PRIM2: variants seen among roughly 807,000 people sequenced by gnomAD.
PRIM2 encodes DNA primase subunit 2.
In PRIM2, 39 loss-of-function variants were observed where a neutral mutation model predicts 67.3. The observed-to-expected ratio is 0.58, with a 90% CI of 0.45 to 0.76. The LOEUF is 0.76. Ranked by LOEUF, PRIM2 falls within the 30% of genes least tolerant of loss-of-function variation. The probability of loss-of-function intolerance (pLI) is 0.00; values close to 1 mark genes in which losing one functional copy is unlikely to be tolerated. For synonymous variants in PRIM2, 143 were observed against 198.7 expected (o/e 0.72, Z 2.36); for missense variants, 398 against 598.7 (o/e 0.66, Z 3.50).
chr6:57,463,809 T>TA (rs1159627692), intron 7 of PRIM2, among the ~76,000 whole-genome samples: 1 of 152,152 alleles, frequency 6.6e-6, no homozygotes, highest in African/African-American at 2.4e-5. Context: ...CGGGGTGGGT[T>TA]AGCTGGCTGG....
the PRIM2 span, among the ~76,000 whole-genome samples, chr6:57,250,184 T>A: frequency 6.6e-6 from 1 of 152,334 alleles, no homozygotes; most frequent in South Asian, 2.1e-4. Flanking sequence ...TCTTTAATTA[T>A]TTGGTTTTAC....
At chr6:57,469,481 G>A (rs1329547002) in intron 7 of PRIM2, among the ~76,000 whole-genome samples, 20 of 152,306 alleles carry the variant, frequency 1.3e-4, no homozygotes, top group African/African-American at 4.8e-4. Context: ...AAAACTTGAA[G>A]AAGCAGGTAG....
chr6:57,457,664 G>A (rs78749036), intron 7 of PRIM2, among the ~76,000 whole-genome samples: 2 of 152,084 alleles, frequency 1.3e-5, no homozygotes, highest in African/African-American at 2.4e-5. Context: ...GGAGTGAACC[G>A]ATTTTCCAGG....
intron 7 of PRIM2, among the ~76,000 whole-genome samples, chr6:57,420,170 A>T (rs960204365): frequency 1.3e-5 from 2 of 152,188 alleles, no homozygotes; most frequent in Non-Finnish European, 2.9e-5. Flanking sequence ...CTGTTTTAGA[A>T]CTAATTAGTT....
intron 7 of PRIM2, chr6:57,505,187 CT>C (rs1774226155): frequency 6.6e-6 from 1 of 152,196 alleles, no homozygotes; most frequent in Non-Finnish European, 1.5e-5. Context: ...GATGCATGCT[CT>C]TTTTGTAAGC....
rs561518988 is a variant in PRIM2, at chr6:57,429,566, G to T, written c.693+47398G>T. Among the ~76,000 whole-genome samples the T allele has an allele frequency of 8.0e-4, 122 of 152,318 alleles. 1 individual carries two copies. The highest frequency in any genetic ancestry group is 1.3e-3 in the Admixed American group (20 of 15,302). ...AATTGTGGCCCCCCAACATTTATAT[G>T]TTGAAGCCCTAACTTCCTGTACTTC... On this transcript the variant is annotated intron_variant, in intron 7 of 13. Transcript: ENST00000615550.
At chr6:57,626,264 T>C (rs1776947966) in intron 12 of PRIM2, among the ~76,000 whole-genome samples, 2 of 152,214 alleles carry the variant, frequency 1.3e-5, no homozygotes, top group Non-Finnish European at 2.9e-5. Context: ...GCTGGAAATA[T>C]TAAGAGTATT....
At chr6:57,588,594 A>G (rs1453292488) in intron 10 of PRIM2, among the ~76,000 whole-genome samples, 1 of 151,626 alleles carries the variant, frequency 6.6e-6, no homozygotes, top group Admixed American at 6.6e-5. Flanking sequence ...TCATGATATC[A>G]GCACATTGTT....
At chr6:57,363,334 GTT>G (rs1044208472) in intron 5 of PRIM2, among the ~76,000 whole-genome samples, 7 of 152,120 alleles carry the variant, frequency 4.6e-5, no homozygotes, top group African/African-American at 1.7e-4. Context: ...AATATCATAT[GTT>G]TATAAGTATA....
chr6:57,265,240 G>C, the PRIM2 span, among the ~76,000 whole-genome samples: 1 of 152,156 alleles, frequency 6.6e-6, no homozygotes, highest in East Asian at 1.9e-4. Flanking sequence ...CAAATGATCA[G>C]GCCATTATGC....
chr6:57,306,118 T>C, the PRIM2 span, among the ~76,000 whole-genome samples: 1 of 152,222 alleles, frequency 6.6e-6, no homozygotes, highest in African/African-American at 2.4e-5. Context: ...TGCTGAATAC[T>C]ATGTTCAGGG....
At chr6:57,283,328 C>T in the PRIM2 span, among the ~76,000 whole-genome samples, 1 of 152,174 alleles carries the variant, frequency 6.6e-6, no homozygotes, top group Non-Finnish European at 1.5e-5. Flanking sequence ...TTGTTGACCT[C>T]TTATATCCCC....
intron 13 of PRIM2, among the ~76,000 whole-genome samples, chr6:57,644,049 A>G (rs1225252465): frequency 2.0e-5 from 3 of 152,148 alleles, no homozygotes; most frequent in South Asian, 2.1e-4. Flanking sequence ...AAGATTATAC[A>G]TAGCTTTAAT....
chr6:57,508,594 T>G lies in PRIM2; in HGVS notation c.761+1140T>G, dbSNP rs1554347419. 4.6e-5 allele frequency among the ~76,000 whole-genome samples: 7 copies of G among 152,322 alleles called. No individual in the cohort carries two copies. The East Asian group carries it at 1.4e-3, about 29-fold the overall frequency. On this transcript the variant is annotated intron_variant, in intron 8 of 13. Transcript: ENST00000615550. The stretch of plus-strand genomic sequence containing the variant: ...ACCATTTTAAAGATTTAAGTGTATA[T>G]GTATATTTCTTTTTCAAAATCTTAT...
Position 57,646,012 on chromosome 6 carries a change from A to G in PRIM2, c.1384A>G (p.Lys462Glu). 3 of 1,605,776 alleles carry G rather than the reference A, an allele frequency of 1.9e-6. No individual in the cohort carries two copies. The highest frequency in any genetic ancestry group is 2.6e-6 in the Non-Finnish European group (3 of 1,172,482). The change falls in exon 14 of 14, where the codon AAG becomes GAG. Residue 462 changes from lysine to glutamate, a missense_variant. By Grantham distance (56) the Lys-to-Glu change is moderately conservative (BLOSUM62 1). Transcript: ENST00000615550. ...TATTCTAAATGGTGGTAAAGACATAAAGAAGGAACCTATCCAACCAGAAAC... is the reference window on the plus strand; with the variant it reads ...TATTCTAAATGGTGGTAAAGACATAGAGAAGGAACCTATCCAACCAGAAAC... ...QRILNGGKDI[K>E]KEPIQPETPQ...
chr6:57,236,984 C>T, the PRIM2 span, among the ~76,000 whole-genome samples: 636 of 152,234 alleles, frequency 4.2e-3, 3 homozygotes, highest in African/African-American at 0.015. Flanking sequence ...CTTGAGGAAT[C>T]GCCACACTAT....
intron 7 of PRIM2, among the ~76,000 whole-genome samples, chr6:57,476,580 T>C (rs1323749492): frequency 4.9e-4 from 74 of 152,290 alleles, no homozygotes; most frequent in South Asian, 1.0e-3. Flanking sequence ...GTAAAAAGTA[T>C]TAGAACGTAA....
At chr6:57,543,228 C>T (rs1188087975) in intron 10 of PRIM2, among the ~76,000 whole-genome samples, 7 of 152,082 alleles carry the variant, frequency 4.6e-5, no homozygotes, top group East Asian at 1.9e-4. Context: ...CGTGAGCCAC[C>T]GCGCCCGGCC....
rs540138627 is a variant in PRIM2, at chr6:57,319,391, A to T, written c.154+792A>T. On this transcript the variant is annotated intron_variant, in intron 2 of 13. Transcript: ENST00000615550. ...TATCCCTGTGGGGAAATCAGAAGGA[A>T]AGGTGAGATACTGTTAATCATTCTT... 2.0e-5 allele frequency among the ~76,000 whole-genome samples: 3 copies of T among 152,358 alleles called. No individual in the cohort carries two copies. In the South Asian group the frequency reaches 6.2e-4, roughly 32 times the overall value.
Sources: allele counts gnomAD v4.1 joint callset (sites outside exome capture counted in the v4.1 genomes callset), GRCh38; gene constraint gnomAD v4.1.1; transcripts MANE v1.5; gene names NCBI Gene and HGNC (gene_info 2026-07-23, HGNC 2026-07-21).